The following DENND1A variants were observed in gnomAD, a reference collection of about 807,000 sequenced individuals.
The protein encoded by DENND1A is DENN domain containing 1A, also known as DENN domain-containing protein 1A.
In DENND1A, 51 loss-of-function variants were observed where a neutral mutation model predicts 113.7. That is an observed-to-expected ratio of 0.45 (90% CI 0.36 to 0.57). DENND1A has a LOEUF of 0.57. Ranked by LOEUF, DENND1A falls within the 20% of genes least tolerant of loss-of-function variation. DENND1A has a pLI of 0.00. For synonymous variants in DENND1A, 565 were observed against 570.8 expected (o/e 0.99, Z 0.14); for missense variants, 1,258 against 1,395.9 (o/e 0.90, Z 1.57).
intron 19 of DENND1A, among the ~76,000 whole-genome samples, chr9:123,427,409 C>T (rs2045822828): frequency 6.6e-6 from 1 of 152,224 alleles, no homozygotes; most frequent in Non-Finnish European, 1.5e-5. Flanking sequence ...CTTTGTCACA[C>T]TTGAGTCTCC....
chr9:123,621,248 C>T (rs530582419), intron 10 of DENND1A, among the ~76,000 whole-genome samples: 3 of 150,744 alleles, frequency 2.0e-5, no homozygotes, highest in East Asian at 1.9e-4. Context: ...TGCAGTGGCA[C>T]GATCTTGGCT....
intron 5 of DENND1A, among the ~76,000 whole-genome samples, chr9:123,701,034 C>T (rs1227320614): frequency 3.3e-5 from 5 of 152,082 alleles, no homozygotes; most frequent in Non-Finnish European, 7.4e-5. Context: ...ACACTACATA[C>T]AAAAATTTAT....
chr9:123,440,147 T>A (rs2046818864), intron 19 of DENND1A: 1 of 507,150 alleles, frequency 2.0e-6, no homozygotes, highest in Admixed American at 3.9e-5. Flanking sequence ...CGCTCATTTA[T>A]GACCTCAGCC....
chr9:123,582,300 C>A (rs915031551), intron 12 of DENND1A, among the ~76,000 whole-genome samples: 2 of 152,186 alleles, frequency 1.3e-5, no homozygotes, highest in African/African-American at 4.8e-5. Flanking sequence ...CTCTCAGACT[C>A]CCACAGGAAG....
chr9:123,548,202 T>G (rs528819197), intron 13 of DENND1A, among the ~76,000 whole-genome samples: 2 of 152,244 alleles, frequency 1.3e-5, no homozygotes, highest in Non-Finnish European at 2.9e-5. Flanking sequence ...CCTCCCCTTA[T>G]CCTTGCTTCA....
chr9:123,790,060 T>C (rs566697825), intron 3 of DENND1A, among the ~76,000 whole-genome samples: 3 of 152,142 alleles, frequency 2.0e-5, no homozygotes, highest in African/African-American at 7.2e-5. Context: ...TCTCAAATAT[T>C]CCTTAAGGAT....
At chr9:123,667,412 C>T (rs1435979405) in intron 7 of DENND1A, among the ~76,000 whole-genome samples, 3 of 152,032 alleles carry the variant, frequency 2.0e-5, no homozygotes, top group South Asian at 2.1e-4. Context: ...GTCAGGAGTT[C>T]GAGACCAGCC....
At chr9:123,685,196 T>A (rs924967417) in intron 5 of DENND1A, among the ~76,000 whole-genome samples, 1 of 152,232 alleles carries the variant, frequency 6.6e-6, no homozygotes, top group Non-Finnish European at 1.5e-5. Context: ...TTCACCCTGA[T>A]AATACCGTAC....
intron 19 of DENND1A, among the ~76,000 whole-genome samples, chr9:123,425,972 A>C (rs2045693454): frequency 6.6e-6 from 1 of 152,220 alleles, no homozygotes. Flanking sequence ...TGAACAAATA[A>C]ATACGAGGCG....
intron 13 of DENND1A, among the ~76,000 whole-genome samples, chr9:123,551,229 C>A (rs902954855): frequency 3.3e-5 from 5 of 152,216 alleles, no homozygotes; most frequent in African/African-American, 9.6e-5. Context: ...TCCCCTCTAT[C>A]AGGAAGCAGC....
intron 13 of DENND1A, among the ~76,000 whole-genome samples, chr9:123,483,716 A>T (rs888600555): frequency 1.3e-5 from 2 of 152,214 alleles, no homozygotes; most frequent in African/African-American, 4.8e-5. Context: ...GTCGCTCATT[A>T]TCCATGTGAC....
At chr9:123,649,581 T>G (rs866063385) in intron 9 of DENND1A, among the ~76,000 whole-genome samples, 57 of 152,332 alleles carry the variant, frequency 3.7e-4, no homozygotes, top group African/African-American at 1.4e-3. Context: ...TGGAAAAATA[T>G]GTAAAGATAT....
At chr9:123,497,148 G>A (rs1228752554) in intron 13 of DENND1A, among the ~76,000 whole-genome samples, 9 of 152,164 alleles carry the variant, frequency 5.9e-5, no homozygotes, top group African/African-American at 2.2e-4. Context: ...AGGGCAGCAC[G>A]GACCACGTGG....
At chr9:123,400,794 T>A (rs2043402214) in intron 21 of DENND1A, 1 of 152,230 alleles carries the variant, frequency 6.6e-6, no homozygotes, top group Non-Finnish European at 1.5e-5. Context: ...TTGCCCAGGC[T>A]GGTCTCGAAC....
In DENND1A at chr9:123,930,118, G is replaced by C. The variant is rs1289261281; in HGVS notation, c.-213C>G. 1 of 191,082 alleles carries C rather than the reference G, an allele frequency of 5.2e-6. No individual in the cohort carries two copies. Among genetic ancestry groups the C allele is most frequent in the Non-Finnish European group, 1.1e-5 (1 of 95,002 alleles). 11.8% of individuals were successfully genotyped at this position (191,082 alleles called of 1,614,324 possible). ...CAGCCCGGCGAACGCCATGGTCGCC[G>C]GCGCGCGTGCCCGGCGCGCGCCGCC... On this transcript the variant is annotated 5_prime_UTR_variant, in exon 1 of 24. Transcript: ENST00000394215.
intron 13 of DENND1A, among the ~76,000 whole-genome samples, chr9:123,553,008 G>A (rs1481647597): frequency 5.9e-5 from 9 of 152,184 alleles, no homozygotes; most frequent in East Asian, 3.9e-4. Context: ...ATCTCAGCAC[G>A]AGATTTGGGA....
chr9:123,393,933 G>A (rs2042982759), intron 21 of DENND1A, among the ~76,000 whole-genome samples: 1 of 152,134 alleles, frequency 6.6e-6, no homozygotes, highest in Non-Finnish European at 1.5e-5. Flanking sequence ...ACAATGGTGG[G>A]GGCGTGCCTG....
intron 3 of DENND1A, among the ~76,000 whole-genome samples, chr9:123,770,145 T>C (rs1286054130): frequency 3.3e-5 from 5 of 152,222 alleles, no homozygotes; most frequent in Non-Finnish European, 7.4e-5. Flanking sequence ...GGGCATATAT[T>C]TATTTTGGAA....
At chr9:123,629,392 T>C (rs2061380728) in intron 10 of DENND1A, among the ~76,000 whole-genome samples, 1 of 152,188 alleles carries the variant, frequency 6.6e-6, no homozygotes, top group African/African-American at 2.4e-5. Context: ...GAGAAAGAAA[T>C]TATTCATGAG....
Sources: allele counts gnomAD v4.1 joint callset (sites outside exome capture counted in the v4.1 genomes callset), GRCh38; gene constraint gnomAD v4.1.1; transcripts MANE v1.5; gene names NCBI Gene and HGNC (gene_info 2026-07-23, HGNC 2026-07-21).